MIR2052HG: variants seen among roughly 807,000 people sequenced by gnomAD.
The protein encoded by MIR2052HG is MIR2052 host gene.
At chr8:74,749,947 T>C (rs960473712) in intron 4 of MIR2052HG, among the ~76,000 whole-genome samples, 1 of 152,124 alleles carries the variant, frequency 6.6e-6, no homozygotes. Context: ...CAAAACTCTT[T>C]CCAGTGCATA....
At chr8:74,715,110 A>C (rs1398106424) in intron 4 of MIR2052HG, among the ~76,000 whole-genome samples, 2 of 152,232 alleles carry the variant, frequency 1.3e-5, no homozygotes, top group Non-Finnish European at 2.9e-5. Flanking sequence ...ATATATTCTT[A>C]GAATATTTCT....
At chr8:74,615,918 A>G (rs939506713) in intron 2 of MIR2052HG, among the ~76,000 whole-genome samples, 12 of 152,100 alleles carry the variant, frequency 7.9e-5, no homozygotes, top group African/African-American at 2.9e-4. Flanking sequence ...AGCTTCATCC[A>G]TGTCCCTACA....
chr8:74,603,284 T>G, intron 1 of MIR2052HG: 1 of 1,553,140 alleles, frequency 6.4e-7, no homozygotes. Flanking sequence ...AAATCTGCAT[T>G]GTTCTAGCTG....
At chr8:74,755,261 A>G (rs1423105587) in intron 5 of MIR2052HG, among the ~76,000 whole-genome samples, 1 of 152,228 alleles carries the variant, frequency 6.6e-6, no homozygotes, top group African/African-American at 2.4e-5. Context: ...TTTACAGTTC[A>G]TCTGCTGCTG....
intron 1 of MIR2052HG, among the ~76,000 whole-genome samples, chr8:74,602,876 T>TCTTTCTTTCTTTCTTTTCTTTC (rs1554570015): frequency 6.6e-5 from 9 of 137,156 alleles, no homozygotes; most frequent in South Asian, 2.3e-4. Flanking sequence ...TTTCTTTCTT[T>TCTTTCTTTCTTTCTTTTCTTTC]TTTCTATTCA....
At chr8:74,649,104 A>G (rs1808725532) in intron 2 of MIR2052HG, among the ~76,000 whole-genome samples, 1 of 152,080 alleles carries the variant, frequency 6.6e-6, no homozygotes, top group Non-Finnish European at 1.5e-5. Context: ...AGGGTAGTAA[A>G]CTGATGTTTG....
At chr8:74,715,710 A>G (rs1438775988) in intron 4 of MIR2052HG, among the ~76,000 whole-genome samples, 1 of 152,190 alleles carries the variant, frequency 6.6e-6, no homozygotes, top group Non-Finnish European at 1.5e-5. Flanking sequence ...AGGCAAGGAT[A>G]TTGCTTGCCA....
chr8:74,686,012 T>G (rs1809177022), intron 2 of MIR2052HG, among the ~76,000 whole-genome samples: 1 of 151,974 alleles, frequency 6.6e-6, no homozygotes, highest in Admixed American at 6.6e-5. Context: ...AGTTCTTTAT[T>G]ATATCCATGA....
intron 2 of MIR2052HG, among the ~76,000 whole-genome samples, chr8:74,634,710 A>G (rs1211403452): frequency 6.6e-6 from 1 of 152,142 alleles, no homozygotes; most frequent in Non-Finnish European, 1.5e-5. Context: ...CTGTTAATAC[A>G]CTGCTCTTAT....
intron 4 of MIR2052HG, among the ~76,000 whole-genome samples, chr8:74,723,012 T>A (rs1040187251): frequency 1.3e-5 from 2 of 152,230 alleles, no homozygotes; most frequent in African/African-American, 4.8e-5. Flanking sequence ...CTCTTCTTCA[T>A]CAGGGTAATG....
chr8:74,617,943 C>T (rs1808308197), intron 2 of MIR2052HG, among the ~76,000 whole-genome samples: 1 of 152,146 alleles, frequency 6.6e-6, no homozygotes, highest in African/African-American at 2.4e-5. Context: ...ATTTGTATTT[C>T]TCTGATGATT....
chr8:74,667,541 A>G (rs1216910651), intron 2 of MIR2052HG, among the ~76,000 whole-genome samples: 1 of 152,138 alleles, frequency 6.6e-6, no homozygotes, highest in Non-Finnish European at 1.5e-5. Flanking sequence ...TATGCCTATT[A>G]AATTTCATTT....
chr8:74,684,308 G>A lies in MIR2052HG; in HGVS notation n.217-18071G>A, dbSNP rs534392980. On this transcript the variant is annotated intron_variant and non_coding_transcript_variant, in intron 2 of 6. Coordinates refer to ENST00000523442, the Ensembl canonical transcript of MIR2052HG. ...GATCAGAGGCTACCTTGGGCATATC[G>A]TTTTTTTGGAATATCATAGGCATGC... 1.1e-4 allele frequency among the ~76,000 whole-genome samples: 17 copies of A among 151,876 alleles called. No homozygotes were observed. The East Asian group carries it at 2.1e-3, about 19-fold the overall frequency.
At chr8:74,714,245 G>T (rs920420511) in intron 4 of MIR2052HG, among the ~76,000 whole-genome samples, 1 of 152,158 alleles carries the variant, frequency 6.6e-6, no homozygotes, top group Non-Finnish European at 1.5e-5. Flanking sequence ...CAATCAGATA[G>T]GGTGGCACTG....
At chr8:74,665,362 C>T (rs1383553466) in intron 2 of MIR2052HG, among the ~76,000 whole-genome samples, 1 of 152,190 alleles carries the variant, frequency 6.6e-6, no homozygotes, top group Admixed American at 6.5e-5. Context: ...GATAAACTTA[C>T]GGGGAGAATA....
At chr8:74,684,064 T>A (rs1809153638) in intron 2 of MIR2052HG, among the ~76,000 whole-genome samples, 1 of 152,130 alleles carries the variant, frequency 6.6e-6, no homozygotes, top group Non-Finnish European at 1.5e-5. Flanking sequence ...CAAGTCCTTA[T>A]GGAAATGGGA....
chr8:74,602,581 G>A (rs1032031594), intron 1 of MIR2052HG, among the ~76,000 whole-genome samples: 16 of 149,956 alleles, frequency 1.1e-4, no homozygotes, highest in African/African-American at 3.5e-4. Context: ...GCGCGATCTC[G>A]GCTCTCTGCA....
intron 1 of MIR2052HG, among the ~76,000 whole-genome samples, chr8:74,602,873 C>CTTTCTTTCTTTCTTTCTTTCTTT (rs940052573): frequency 7.2e-6 from 1 of 138,694 alleles, no homozygotes; most frequent in African/African-American, 2.7e-5. Flanking sequence ...TTCTTTCTTT[C>CTTTCTTTCTTTCTTTCTTTCTTT]TTTTTTCTAT....
At chr8:74,723,066 C>T (rs760172016) in intron 4 of MIR2052HG, among the ~76,000 whole-genome samples, 1 of 152,208 alleles carries the variant, frequency 6.6e-6, no homozygotes, top group African/African-American at 2.4e-5. Context: ...ATGACCCTGT[C>T]TCTCTGCAGT....
Sources: gnomAD v4.1 joint callset for allele counts (sites outside exome capture counted in the v4.1 genomes callset) on GRCh38, gnomAD v4.1.1 for gene constraint, MANE v1.5 for transcripts, NCBI Gene and HGNC (gene_info 2026-07-23, HGNC 2026-07-21) for gene names.